Variants in KCNJ6 observed in about 807,000 individuals in gnomAD.
KCNJ6 encodes G protein-activated inward rectifier potassium channel 2.
Under a neutral mutation model 34.2 loss-of-function variants are expected in KCNJ6, and 9 were observed. The observed-to-expected ratio is 0.26, with a 90% CI of 0.16 to 0.46. KCNJ6 has a LOEUF of 0.46. KCNJ6 is among the 20% of genes least tolerant of loss of function. The probability of loss-of-function intolerance (pLI) is 1.00; values close to 1 mark genes in which losing one functional copy is unlikely to be tolerated. For synonymous variants in KCNJ6, 196 were observed against 207.1 expected (o/e 0.95, Z 0.46); for missense variants, 236 against 531.3 (o/e 0.44, Z 5.46).
intron 2 of KCNJ6, among the ~76,000 whole-genome samples, chr21:37,789,584 C>T (rs1601472163): frequency 1.3e-5 from 2 of 152,328 alleles, no homozygotes; most frequent in South Asian, 2.1e-4. Flanking sequence ...CAGACTAATA[C>T]ACCCTCTGAG....
At chr21:37,836,491 A>G (rs1224181616) in intron 2 of KCNJ6, among the ~76,000 whole-genome samples, 2 of 152,208 alleles carry the variant, frequency 1.3e-5, no homozygotes, top group African/African-American at 4.8e-5. Flanking sequence ...AACCAACCCA[A>G]ATGCCCATCA....
At chr21:37,818,581 T>A (rs2055358939) in intron 2 of KCNJ6, among the ~76,000 whole-genome samples, 1 of 152,196 alleles carries the variant, frequency 6.6e-6, no homozygotes, top group Non-Finnish European at 1.5e-5. Context: ...TAACCTACGA[T>A]GCAATTTAAA....
intron 2 of KCNJ6, among the ~76,000 whole-genome samples, chr21:37,810,327 A>C (rs2055316422): frequency 6.6e-6 from 1 of 152,262 alleles, no homozygotes; most frequent in African/African-American, 2.4e-5. Context: ...AAATTTAGTC[A>C]GTTTCCAACA....
At position 37,689,101 on chromosome 21, in the gene KCNJ6, C is replaced by G. The variant is rs117748856; in HGVS notation, c.946+25110G>C. Among the ~76,000 whole-genome samples the G allele has an allele frequency of 7.7e-3, 1,167 of 152,278 alleles. 13 individuals are homozygous for G. The highest frequency in any genetic ancestry group is 0.012 in the Non-Finnish European group (807 of 68,018). On this transcript the variant is annotated intron_variant, in intron 3 of 3. Coordinates refer to ENST00000609713, the MANE Select transcript of KCNJ6 (RefSeq NM_002240.5). ...ATGTATGTATATGTATAATATATCT[C>G]TATTCTCTCTGTTCCTCTATCTATT...
At chr21:37,813,647 T>C in intron 2 of KCNJ6, among the ~76,000 whole-genome samples, 1 of 152,142 alleles carries the variant, frequency 6.6e-6, no homozygotes, top group African/African-American at 2.4e-5. Flanking sequence ...TAACATACAC[T>C]GGGGAAAAGA....
At chr21:37,760,418 C>T (rs2055055028) in intron 2 of KCNJ6, among the ~76,000 whole-genome samples, 1 of 152,200 alleles carries the variant, frequency 6.6e-6, no homozygotes, top group Non-Finnish European at 1.5e-5. Context: ...GAGCCCTGTA[C>T]TACAACCTCC....
chr21:37,785,207 A>C (rs2055187178), intron 2 of KCNJ6, among the ~76,000 whole-genome samples: 1 of 152,226 alleles, frequency 6.6e-6, no homozygotes, highest in African/African-American at 2.4e-5. Flanking sequence ...CATGAGGATG[A>C]GAACCTGAGG....
chr21:37,852,995 T>C (rs1319471973), intron 1 of KCNJ6, among the ~76,000 whole-genome samples: 1 of 150,386 alleles, frequency 6.6e-6, no homozygotes, highest in Non-Finnish European at 1.5e-5. Context: ...AGAGAGAAAA[T>C]AGACTTAAAA....
rs577632901 is a variant in KCNJ6, at chr21:37,675,026, A to T, written c.946+39185T>A. On this transcript the variant is annotated intron_variant, in intron 3 of 3. Coordinates refer to ENST00000609713, the MANE Select transcript of KCNJ6 (RefSeq NM_002240.5). This position sits in a 1 kb window ranked among gnomAD's most constrained non-coding sequence, Gnocchi z 4.2. Reference sequence around the variant, plus strand: ...CACTGCCCCTGTCCCCAAGCCTTCCAGGTGGACTCATGCAGTCCTGCTCGG... The same window carrying T: ...CACTGCCCCTGTCCCCAAGCCTTCCTGGTGGACTCATGCAGTCCTGCTCGG... 7.7e-4 allele frequency among the ~76,000 whole-genome samples: 117 copies of T among 152,246 alleles called. 1 individual carries two copies. The South Asian group carries it at 0.016, about 20-fold the overall frequency.
rs71198897 is a variant in KCNJ6 at position 37,853,846 on chromosome 21, G to GTGTGTATATATATATATATATACA, written c.-27-13138_-27-13137insTGTATATATATATATATATACACA. Among the ~76,000 whole-genome samples, 236 of 115,950 alleles carry GTGTGTATATATATATATATATACA rather than the reference G, an allele frequency of 2.0e-3. 3 individuals are homozygous for GTGTGTATATATATATATATATACA. The highest frequency in any genetic ancestry group is 7.7e-3 in the African/African-American group (193 of 25,106). 76.1% of individuals were successfully genotyped at this position (115,950 alleles called of 152,430 possible). A position where few individuals can be genotyped will look rare whatever the true frequency, so the allele number is the denominator to read the frequency against. On this transcript the variant is annotated intron_variant, in intron 1 of 3. Coordinates refer to ENST00000609713, the MANE Select transcript of KCNJ6 (RefSeq NM_002240.5). Reference sequence around the variant, plus strand: ...GTAGTTAAGAGATACATATATATATGTATATATATATATATAAATTACATT... The same window carrying GTGTGTATATATATATATATATACA: ...GTAGTTAAGAGATACATATATATATGTGTGTATATATATATATATATACATATATATATATATATAAATTACATT...
At chr21:37,659,963 C>T (rs4816571) in intron 3 of KCNJ6, among the ~76,000 whole-genome samples, 2,267 of 152,344 alleles carry the variant, frequency 0.015, 37 homozygotes, top group East Asian at 0.069. Context: ...GATGGCTGCA[C>T]ATGACAAAGT....
intron 2 of KCNJ6, among the ~76,000 whole-genome samples, chr21:37,776,611 T>C (rs1426686150): frequency 1.3e-5 from 2 of 152,228 alleles, no homozygotes; most frequent in Non-Finnish European, 2.9e-5. Flanking sequence ...GATAATCACG[T>C]GGTTTTTGTC....
At chr21:37,773,887 G>A (rs139685645) in intron 2 of KCNJ6, among the ~76,000 whole-genome samples, 1 of 152,104 alleles carries the variant, frequency 6.6e-6, no homozygotes, top group African/African-American at 2.4e-5. Context: ...CAGTCCCCTG[G>A]GCCATGTCCT....
chr21:37,852,331 A>T (rs2055541783), intron 1 of KCNJ6, among the ~76,000 whole-genome samples: 1 of 152,218 alleles, frequency 6.6e-6, no homozygotes, highest in Admixed American at 6.5e-5. Flanking sequence ...GGGAGGTATT[A>T]GAGGAGGGCC....
intron 3 of KCNJ6, among the ~76,000 whole-genome samples, chr21:37,645,779 C>T (rs763595899): frequency 7.2e-5 from 11 of 152,224 alleles, no homozygotes; most frequent in Admixed American, 6.5e-4. Context: ...TGTAGAGTCA[C>T]GTAGCAGCCT....
intron 1 of KCNJ6, among the ~76,000 whole-genome samples, chr21:37,858,909 T>C (rs1218231092): frequency 6.6e-6 from 1 of 152,092 alleles, no homozygotes; most frequent in Non-Finnish European, 1.5e-5. Context: ...AGAAACTACA[T>C]GAAAATAGAA....
rs749295849 is a variant in KCNJ6, at chr21:37,623,230, A to C, written c.*1929T>G. The stretch of plus-strand genomic sequence containing the variant: ...ATGGGAGAAGAGAGGCCCCGAGGTT[A>C]TATTTAGGAGCCACTTTCCTTATCC... On this transcript the variant is annotated 3_prime_UTR_variant, in exon 4 of 4. Coordinates refer to ENST00000609713, the MANE Select transcript of KCNJ6 (RefSeq NM_002240.5). 5 of 152,244 alleles carry C rather than the reference A, an allele frequency of 3.3e-5. No homozygotes were observed. Among genetic ancestry groups the C allele is most frequent in the Non-Finnish European group, 5.9e-5 (4 of 68,066 alleles). The allele number at this position is 152,244 out of a possible 1,614,324, so 9.4% of individuals were successfully genotyped here.
intron 1 of KCNJ6, among the ~76,000 whole-genome samples, chr21:37,914,589 T>C (rs1411320296): frequency 6.6e-6 from 1 of 152,228 alleles, no homozygotes; most frequent in Non-Finnish European, 1.5e-5. Flanking sequence ...TTTTCCCCTA[T>C]AACTGGAGCT....
chr21:37,675,444 G>C lies in KCNJ6; in HGVS notation c.946+38767C>G, dbSNP rs546274997. 0.012 allele frequency among the ~76,000 whole-genome samples: 3 copies of C among 244 alleles called. No individual in the cohort carries two copies. The East Asian group carries it at 0.38, about 30-fold the overall frequency. 0.2% of individuals were successfully genotyped at this position (244 alleles called of 152,430 possible). On this transcript the variant is annotated intron_variant, in intron 3 of 3. Coordinates refer to ENST00000609713, the MANE Select transcript of KCNJ6 (RefSeq NM_002240.5). The surrounding 1 kb of genome is among the most constrained non-coding windows in gnomAD (Gnocchi z 4.2). Reference sequence around the variant, plus strand: ...TCTTTCAGGGCTGCAGGTACGGTGCGGGTTTCTGGTGCGCTGACCGCGCTG... The same window carrying C: ...TCTTTCAGGGCTGCAGGTACGGTGCCGGTTTCTGGTGCGCTGACCGCGCTG...
Sources: allele counts gnomAD v4.1 joint callset (sites outside exome capture counted in the v4.1 genomes callset), GRCh38; gene constraint gnomAD v4.1.1; non-coding constraint Gnocchi (gnomAD v3.1); transcripts MANE v1.5; gene names NCBI Gene and HGNC (gene_info 2026-07-23, HGNC 2026-07-21).